The following EPB41L4A variants were observed in gnomAD, a reference collection of about 807,000 sequenced individuals.
EPB41L4A encodes the protein band 4.1-like protein 4A.
A neutral mutation model predicts 108.6 loss-of-function variants in EPB41L4A; 100 were observed. The ratio of observed to expected loss-of-function variants is 0.92; its 90% CI spans 0.78 to 1.09. The LOEUF (loss-of-function observed/expected upper bound fraction) is 1.09, where lower values mean the gene tolerates loss of function less well. EPB41L4A is among the 50% of genes least tolerant of loss of function. The probability of loss-of-function intolerance (pLI) is 0.00; values close to 1 mark genes in which losing one functional copy is unlikely to be tolerated. For missense variants in EPB41L4A, 1,030 were observed against 842.7 expected (o/e 1.22, Z -2.75); for synonymous variants, 319 against 289.0 (o/e 1.10, Z -1.05).
intron 1 of EPB41L4A, among the ~76,000 whole-genome samples, chr5:112,406,450 G>A (rs1465859248): frequency 1.3e-5 from 2 of 152,080 alleles, no homozygotes; most frequent in East Asian, 1.9e-4. Flanking sequence ...AAAATGCAGT[G>A]CAATAAGTAT....
chr5:112,155,538 G>C (rs1240994849), intron 12 of EPB41L4A, among the ~76,000 whole-genome samples: 1 of 152,116 alleles, frequency 6.6e-6, no homozygotes, highest in Non-Finnish European at 1.5e-5. Context: ...CATCCTCAGT[G>C]TGAATCATTC....
intron 12 of EPB41L4A, among the ~76,000 whole-genome samples, chr5:112,227,176 T>C (rs1035231204): frequency 6.6e-6 from 1 of 152,182 alleles, no homozygotes; most frequent in South Asian, 2.1e-4. Flanking sequence ...ACTCGATTTA[T>C]ACTGAATGTT....
At chr5:112,336,650 TAGTC>T (rs1159287882) in intron 1 of EPB41L4A, among the ~76,000 whole-genome samples, 1 of 152,102 alleles carries the variant, frequency 6.6e-6, no homozygotes, top group African/African-American at 2.4e-5. Flanking sequence ...ACCAAAAAGT[TAGTC>T]AGGGTGTGAG....
At chr5:112,230,176 G>A (rs1748783757) in intron 12 of EPB41L4A, among the ~76,000 whole-genome samples, 1 of 152,048 alleles carries the variant, frequency 6.6e-6, no homozygotes, top group Non-Finnish European at 1.5e-5. Context: ...AATACAAATT[G>A]TGCTGTTATA....
chr5:112,388,817 G>T (rs1399790621), intron 1 of EPB41L4A, among the ~76,000 whole-genome samples: 2 of 152,106 alleles, frequency 1.3e-5, no homozygotes, highest in African/African-American at 4.8e-5. Context: ...TTTTCAAAAT[G>T]GAAACTTGGT....
intron 1 of EPB41L4A, among the ~76,000 whole-genome samples, chr5:112,392,401 C>CAAAAAAAAAAAA (rs56256606): frequency 3.6e-4 from 13 of 35,914 alleles, no homozygotes; most frequent in South Asian, 1.8e-3. Flanking sequence ...AAATGGAAAG[C>CAAAAAAAAAAAA]AAAAAAAAAA....
chr5:112,293,000 G>T (rs1034490812), intron 2 of EPB41L4A, among the ~76,000 whole-genome samples: 5 of 151,978 alleles, frequency 3.3e-5, no homozygotes, highest in South Asian at 2.1e-4. Flanking sequence ...AACTAAGAAG[G>T]TATGGGTCAC....
intron 1 of EPB41L4A, among the ~76,000 whole-genome samples, chr5:112,391,769 C>T (rs1456456019): frequency 6.6e-6 from 1 of 152,060 alleles, no homozygotes; most frequent in African/African-American, 2.4e-5. Context: ...CCCCAAGACA[C>T]ATAATTGTCA....
At chr5:112,357,511 G>C (rs1404970599) in intron 1 of EPB41L4A, among the ~76,000 whole-genome samples, 1 of 152,162 alleles carries the variant, frequency 6.6e-6, no homozygotes, top group Non-Finnish European at 1.5e-5. Context: ...CTTAAGACCA[G>C]GTGCCTGGAA....
At chr5:112,378,705 G>C (rs1759976230) in intron 1 of EPB41L4A, among the ~76,000 whole-genome samples, 1 of 152,156 alleles carries the variant, frequency 6.6e-6, no homozygotes, top group South Asian at 2.1e-4. Context: ...AATGCACTTA[G>C]AAACACTGAG....
At chr5:112,273,271 C>A (rs1752395234) in intron 4 of EPB41L4A, among the ~76,000 whole-genome samples, 1 of 152,178 alleles carries the variant, frequency 6.6e-6, no homozygotes, top group South Asian at 2.1e-4. Flanking sequence ...TCACTGTGTT[C>A]TTAACTACAC....
intron 12 of EPB41L4A, among the ~76,000 whole-genome samples, chr5:112,213,037 A>G (rs564610197): frequency 6.6e-6 from 1 of 152,340 alleles, no homozygotes; most frequent in East Asian, 1.9e-4. Context: ...AGAAAGCAAT[A>G]TTTGGTTTTT....
chr5:112,387,483 G>C (rs1185753566), intron 1 of EPB41L4A, among the ~76,000 whole-genome samples: 3 of 152,234 alleles, frequency 2.0e-5, no homozygotes, highest in Admixed American at 2.0e-4. Flanking sequence ...AAAAAAATTA[G>C]CCAGGCATGG....
intron 15 of EPB41L4A, among the ~76,000 whole-genome samples, chr5:112,204,093 A>AT (rs1317865983): frequency 6.6e-6 from 1 of 150,514 alleles, no homozygotes; most frequent in African/African-American, 2.4e-5. Context: ...TATAATACAT[A>AT]TTTTTATTAT....
rs35122438 is a variant in EPB41L4A, at chr5:112,289,680, A to G, written c.205-9357T>C. Among the ~76,000 whole-genome samples the G allele has an allele frequency of 4.7e-3, 721 of 152,264 alleles. 8 individuals are homozygous for G. The highest frequency in any genetic ancestry group is 0.016 in the African/African-American group (652 of 41,536). On this transcript the variant is annotated intron_variant, in intron 2 of 22. Coordinates refer to ENST00000261486, the MANE Select transcript of EPB41L4A (RefSeq NM_022140.5). ...AAGTAGGTGCTCCATCCCCAGTTGA[A>G]GCCCCAGCCAATGCCAACATCAACC... is the stretch of plus-strand genomic sequence containing the variant.
chr5:112,211,287 T>C (rs1017394294), intron 12 of EPB41L4A, among the ~76,000 whole-genome samples: 6 of 152,046 alleles, frequency 3.9e-5, no homozygotes, highest in African/African-American at 1.4e-4. Context: ...AGACAGACTC[T>C]TAAAAGGGCA....
At chr5:112,329,694 C>T (rs1049163847) in intron 1 of EPB41L4A, among the ~76,000 whole-genome samples, 2 of 152,142 alleles carry the variant, frequency 1.3e-5, no homozygotes, top group Admixed American at 1.3e-4. Flanking sequence ...ACTCTAATCC[C>T]AGGGACTGCC....
At chr5:112,186,546 A>T (rs559816752) in intron 17 of EPB41L4A, among the ~76,000 whole-genome samples, 4 of 152,356 alleles carry the variant, frequency 2.6e-5, no homozygotes, top group South Asian at 2.1e-4. Context: ...AAACCCTGTC[A>T]GTTAATATCC....
rs570611870 is a variant in EPB41L4A at position 112,195,541 on chromosome 5, G to C, written c.1424+120C>G. On this transcript the variant is annotated intron_variant, in intron 16 of 22. Coordinates refer to ENST00000261486, the MANE Select transcript of EPB41L4A (RefSeq NM_022140.5). The stretch of plus-strand genomic sequence containing the variant: ...CTGGGAATCAGCTGAAGACAAACTG[G>C]CTTTTGAAAGTAAAAAAAATAAAAA... The C allele has an allele frequency of 8.6e-5, 68 of 791,378 alleles. 1 individual carries two copies. The South Asian group carries it at 9.6e-4, about 11-fold the overall frequency. The allele number at this position is 791,378 out of a possible 1,614,324, so 49.0% of individuals were successfully genotyped here.
Sources: allele counts gnomAD v4.1 joint callset (sites outside exome capture counted in the v4.1 genomes callset), GRCh38; gene constraint gnomAD v4.1.1; transcripts MANE v1.5; gene names NCBI Gene and HGNC (gene_info 2026-07-23, HGNC 2026-07-21).